The following FER1L6 variants were observed in gnomAD, a reference collection of about 807,000 sequenced individuals.
FER1L6 encodes fer-1 like family member 6, also known as fer-1-like protein 6.
A neutral mutation model predicts 219.2 loss-of-function variants in FER1L6; 177 were observed. That is an observed-to-expected ratio of 0.81 (90% CI 0.71 to 0.91). FER1L6 has a LOEUF of 0.91. FER1L6 is among the 40% of genes least tolerant of loss of function. The pLI is 0.00. For synonymous variants in FER1L6, 768 were observed against 824.3 expected, an observed-to-expected ratio of 0.93 and a Z score of 1.17; for missense variants, 2,153 against 2,259.9, an observed-to-expected ratio of 0.95 and a Z score of 0.96.
intron 1 of FER1L6, among the ~76,000 whole-genome samples, chr8:123,946,824 ATT>A (rs1000904857): frequency 6.6e-6 from 1 of 151,502 alleles, no homozygotes; most frequent in African/African-American, 2.4e-5. Flanking sequence ...CTTGAGCTCG[ATT>A]TTTTTTCTCT....
intron 20 of FER1L6, among the ~76,000 whole-genome samples, chr8:124,043,599 AAG>A (rs1819597377): frequency 6.6e-6 from 1 of 152,226 alleles, no homozygotes; most frequent in African/African-American, 2.4e-5. Flanking sequence ...TTGAGGCACA[AAG>A]AGAGGTTTGT....
At position 123,995,335 on chromosome 8, in the gene FER1L6, T is replaced by C. The variant is rs545392097; in HGVS notation, c.1520-7832T>C. ...TTCTTTGTGAGGAGACTTTTTATTA[T>C]GATTTTGATCACATTACTTATTACT... On this transcript the variant is annotated intron_variant, in intron 12 of 40. Coordinates refer to ENST00000522917, the MANE Select transcript of FER1L6 (RefSeq NM_001039112.2). Among the ~76,000 whole-genome samples, 5 of 152,334 alleles carry C rather than the reference T, an allele frequency of 3.3e-5. No homozygotes were observed. In the East Asian group the frequency reaches 7.7e-4, roughly 23 times the overall value.
intron 38 of FER1L6, 91 bp from the exon 39 acceptor site, chr8:124,103,055 G>C: frequency 8.7e-7 from 1 of 1,152,922 alleles, no homozygotes. Context: ...AGGAAGTGAA[G>C]GGTGAATGAA....
At chr8:123,941,087 A>G (rs377280470) in intron 1 of FER1L6, among the ~76,000 whole-genome samples, 1 of 152,222 alleles carries the variant, frequency 6.6e-6, no homozygotes, top group South Asian at 2.1e-4. Context: ...ACACATGTCT[A>G]CTACATGCTG....
At position 124,021,559 on chromosome 8, in the gene FER1L6, T is replaced by A. The variant is rs1010848405; in HGVS notation, c.2023T>A (p.Cys675Ser). Reference protein sequence around the residue: ...TLCWQELEAMCKEAKGIIQQQ... With the variant: ...TLCWQELEAMSKEAKGIIQQQ... ...TCTTGTCTTGTTTTAGGAAGCAATG[T>A]GCAAGGAGGCCAAGGGGATCATTCA... Residue 675 changes from cysteine (C) to serine (S), a missense_variant, in exon 17 of 41, where the codon TGC (cysteine) becomes AGC (serine). Physicochemically the swap from Cys to Ser is moderately radical, Grantham distance 112. Transcript: ENST00000522917. 4 of 1,614,108 alleles carry A rather than the reference T, an allele frequency of 2.5e-6. No homozygotes were observed. Among genetic ancestry groups the A allele is most frequent in the African/African-American group, 2.7e-5 (2 of 75,036 alleles).
intron 39 of FER1L6, among the ~76,000 whole-genome samples, chr8:124,106,164 C>T (rs779516823): frequency 1.3e-5 from 2 of 151,800 alleles, no homozygotes; most frequent in Admixed American, 6.6e-5. Flanking sequence ...CCCGTCTCTA[C>T]TAAAAATACA....
At chr8:123,869,581 T>A (rs1311066303) in intron 1 of FER1L6, among the ~76,000 whole-genome samples, 1 of 152,234 alleles carries the variant, frequency 6.6e-6, no homozygotes, top group Non-Finnish European at 1.5e-5. Context: ...TATTTATGAA[T>A]CGGACAACTC....
Position 123,966,172 on chromosome 8 carries a change from T to C in FER1L6, c.266T>C (p.Ile89Thr), listed in dbSNP as rs1220344557. ...TTTGTGTTGCAGATTGCCATAACCA[T>C]CACCGAGGCTCGCCAGCTGGTGGGT... ...RSQNYQIAITITEARQLVGEN... is the reference protein window; with the variant it reads ...RSQNYQIAITTTEARQLVGEN... The change falls in exon 5 of 41, where the codon ATC (isoleucine) becomes ACC (threonine). Residue 89 changes from isoleucine (I) to threonine (T), a missense_variant. Transcript: ENST00000522917. The C allele has an allele frequency of 1.2e-6, 2 of 1,613,902 alleles. No homozygotes were observed. The highest frequency in any genetic ancestry group is 2.7e-5 in the African/African-American group (2 of 74,910).
rs763090388 is a variant in FER1L6, at chr8:124,060,252, G to T, written c.2947G>T (p.Ala983Ser). Residue 983 changes from alanine to serine, a missense_variant, in exon 23 of 41, where the codon GCC (alanine) becomes TCC (serine). By Grantham distance (99) the Ala-to-Ser change is moderately conservative. Coordinates refer to ENST00000522917, the MANE Select transcript of FER1L6 (RefSeq NM_001039112.2). The part of the protein sequence containing the change: ...PDITQIYPVP[A>S]NIRPVLSKYR... ...CATCACCCAGATCTACCCGGTTCCT[G>T]CCAACATTCGGCCGGTGCTGAGCAA... 43 of 1,614,134 alleles carry T rather than the reference G, an allele frequency of 2.7e-5. No homozygotes were observed. Among genetic ancestry groups the T allele is most frequent in the Non-Finnish European group, 3.6e-5 (43 of 1,180,008 alleles).
chr8:123,901,416 G>A (rs750583667), intron 1 of FER1L6, among the ~76,000 whole-genome samples: 3 of 152,144 alleles, frequency 2.0e-5, no homozygotes, highest in Middle Eastern at 3.4e-3. Flanking sequence ...TCTTGCTAAC[G>A]GTCTGTCAAT....
intron 7 of FER1L6, 134 bp from the exon 8 acceptor site, chr8:123,975,016 A>G: frequency 1.3e-6 from 1 of 748,794 alleles, no homozygotes; most frequent in Non-Finnish European, 2.0e-6. Context: ...TGAGGTTTGG[A>G]AAAAACTGAG....
intron 19 of FER1L6, among the ~76,000 whole-genome samples, chr8:124,037,975 T>C (rs905490746): frequency 1.3e-5 from 2 of 152,196 alleles, no homozygotes; most frequent in Non-Finnish European, 2.9e-5. Context: ...CTTCTGTCCA[T>C]GGCTAGCTTG....
intron 1 of FER1L6, among the ~76,000 whole-genome samples, chr8:123,914,518 C>T (rs1316513847): frequency 1.3e-5 from 2 of 152,154 alleles, no homozygotes; most frequent in Non-Finnish European, 2.9e-5. Flanking sequence ...AATGTTGATT[C>T]AGCCACACCC....
At chr8:123,916,535 T>G (rs1051087295) in intron 1 of FER1L6, among the ~76,000 whole-genome samples, 1 of 152,238 alleles carries the variant, frequency 6.6e-6, no homozygotes, top group African/African-American at 2.4e-5. Flanking sequence ...CATCTAGTCA[T>G]GCAGATTGAG....
At chr8:123,951,706 T>C (rs1814777308) in intron 1 of FER1L6, among the ~76,000 whole-genome samples, 3 of 152,246 alleles carry the variant, frequency 2.0e-5, no homozygotes, top group Non-Finnish European at 4.4e-5. Context: ...ATTCATCAAA[T>C]ATATAAATAT....
intron 1 of FER1L6, among the ~76,000 whole-genome samples, chr8:123,940,269 C>T (rs764297400): frequency 1.3e-5 from 2 of 152,096 alleles, no homozygotes; most frequent in Non-Finnish European, 2.9e-5. Context: ...ATATAATCTG[C>T]CCTTGTATCT....
In FER1L6 at chr8:123,975,136, G is replaced by A; in HGVS notation, c.527-14G>A. Reference sequence around the variant, plus strand: ...CATCTGTGAAGGATGTGAGCTGTCAGGGTGCTTTCACAGGTCATCAGTTCT... The same window carrying A: ...CATCTGTGAAGGATGTGAGCTGTCAAGGTGCTTTCACAGGTCATCAGTTCT... On this transcript the variant is annotated splice_polypyrimidine_tract_variant and intron_variant, in intron 7 of 40. Coordinates refer to ENST00000522917, the MANE Select transcript of FER1L6 (RefSeq NM_001039112.2). 6.3e-7 allele frequency: 1 copy of A among 1,577,608 alleles called. No individual in the cohort carries two copies. Among genetic ancestry groups the A allele is most frequent in the Non-Finnish European group, 8.6e-7 (1 of 1,158,780 alleles).
intron 1 of FER1L6, among the ~76,000 whole-genome samples, chr8:123,903,222 T>G (rs1563679149): frequency 6.6e-6 from 1 of 152,190 alleles, no homozygotes; most frequent in South Asian, 2.1e-4. Context: ...ATATCTTGCT[T>G]TTATTATTAT....
chr8:123,976,483 T>C (rs535379121), intron 9 of FER1L6, among the ~76,000 whole-genome samples: 21 of 150,422 alleles, frequency 1.4e-4, no homozygotes, highest in African/African-American at 4.9e-4. Flanking sequence ...TGCTCCAGCC[T>C]GGGTGACAGA....
Sources: gnomAD v4.1 joint callset for allele counts (sites outside exome capture counted in the v4.1 genomes callset) on GRCh38, gnomAD v4.1.1 for gene constraint, MANE v1.5 for transcripts, NCBI Gene and HGNC (gene_info 2026-07-23, HGNC 2026-07-21) for gene names.